TP63: variants seen among roughly 807,000 people sequenced by gnomAD.
TP63 encodes the protein tumor protein 63.
A neutral mutation model predicts 82.8 loss-of-function variants in TP63; 17 were observed. The observed-to-expected ratio is 0.21, with a 90% confidence interval of 0.14 to 0.31. The LOEUF is 0.31. Ranked by LOEUF, TP63 falls within the 10% of genes least tolerant of loss-of-function variation. TP63 has a pLI of 1.00. For missense variants in TP63, 648 were observed against 895.3 expected (o/e 0.72, Z 3.52); for synonymous variants, 330 against 321.7 (o/e 1.03, Z -0.28).
chr3:189,802,734 A>C (rs1726449884), intron 3 of TP63, among the ~76,000 whole-genome samples: 1 of 152,188 alleles, frequency 6.6e-6, no homozygotes, highest in South Asian at 2.1e-4. Context: ...AAGCGTGTTC[A>C]ATCCCCTAGC....
At chr3:189,684,241 G>A (rs1444568990) in intron 1 of TP63, among the ~76,000 whole-genome samples, 2 of 152,190 alleles carry the variant, frequency 1.3e-5, no homozygotes, top group African/African-American at 4.8e-5. Flanking sequence ...CCAGAAATAT[G>A]AAGCTGAATA....
intron 10 of TP63, among the ~76,000 whole-genome samples, chr3:189,885,845 A>G (rs1436611100): frequency 6.6e-6 from 1 of 152,200 alleles, no homozygotes; most frequent in Non-Finnish European, 1.5e-5. Flanking sequence ...TTGAAAATGC[A>G]TGTTTCCAAG....
chr3:189,749,126 A>G (rs1185088848), intron 3 of TP63, among the ~76,000 whole-genome samples: 1 of 152,128 alleles, frequency 6.6e-6, no homozygotes, highest in Non-Finnish European at 1.5e-5. Flanking sequence ...AGAGATTTTT[A>G]TGGCTAAGCC....
At chr3:189,780,942 T>G (rs2108575714) in intron 3 of TP63, among the ~76,000 whole-genome samples, 1 of 152,314 alleles carries the variant, frequency 6.6e-6, no homozygotes, top group African/African-American at 2.4e-5. Flanking sequence ...ATTTTGTGTT[T>G]GTGGTAAGGG....
At chr3:189,621,958 A>G in the TP63 span, among the ~76,000 whole-genome samples, 2 of 152,162 alleles carry the variant, frequency 1.3e-5, no homozygotes, top group Non-Finnish European at 2.9e-5. Flanking sequence ...CTTTAAATTT[A>G]CCTCGTAGAA....
At chr3:189,742,812 ATG>A (rs1325187884) in intron 3 of TP63, among the ~76,000 whole-genome samples, 1 of 152,222 alleles carries the variant, frequency 6.6e-6, no homozygotes, top group African/African-American at 2.4e-5. Context: ...AGTTAGATAT[ATG>A]TGTTTATGTG....
At chr3:189,690,913 T>A (rs967541352) in intron 1 of TP63, among the ~76,000 whole-genome samples, 2 of 152,210 alleles carry the variant, frequency 1.3e-5, no homozygotes, top group African/African-American at 4.8e-5. Flanking sequence ...CTGAACCCAA[T>A]GTGTTACATA....
At chr3:189,878,269 C>A (rs985946485) in intron 10 of TP63, among the ~76,000 whole-genome samples, 3 of 151,862 alleles carry the variant, frequency 2.0e-5, no homozygotes, top group African/African-American at 4.8e-5. Context: ...AAATCCTCCA[C>A]GTTTCCAGAA....
intron 1 of TP63, among the ~76,000 whole-genome samples, chr3:189,658,162 C>T (rs897354984): frequency 6.6e-6 from 1 of 151,866 alleles, no homozygotes; most frequent in Non-Finnish European, 1.5e-5. Flanking sequence ...CTGAAGAGCT[C>T]CCAACCCACA....
chr3:189,885,342 CTA>C (rs911200033), intron 10 of TP63, among the ~76,000 whole-genome samples: 1 of 152,176 alleles, frequency 6.6e-6, no homozygotes, highest in Non-Finnish European at 1.5e-5. Context: ...CTCCACTACT[CTA>C]TGAGTGTCTC....
At chr3:189,597,009 A>G in the TP63 span, among the ~76,000 whole-genome samples, 1 of 152,252 alleles carries the variant, frequency 6.6e-6, no homozygotes, top group Non-Finnish European at 1.5e-5. Context: ...CGAGACCACG[A>G]ACCCACCGTA....
intron 10 of TP63, among the ~76,000 whole-genome samples, chr3:189,874,865 T>C (rs7610966): frequency 0.55 from 83,919 of 151,874 alleles, 23,727 homozygotes; most frequent in Middle Eastern, 0.69. Context: ...TATTAAGAAA[T>C]ACCCTCAAAT....
chr3:189,868,141 A>T (rs1042714391), intron 7 of TP63, among the ~76,000 whole-genome samples, 199 bp downstream of exon 7: 2 of 152,230 alleles, frequency 1.3e-5, no homozygotes, highest in Non-Finnish European at 2.9e-5. Flanking sequence ...TTAGAAGGAA[A>T]AAAAGAGCTA....
rs530764678 is a variant in TP63 at position 189,734,457 on chromosome 3, G to A, written c.63-3283G>A. ...TTAATTCTCTGATGTAACCTATTCAGTGAAACAACAGTAGTATTGTTTTTA... is the reference window on the plus strand; with the variant it reads ...TTAATTCTCTGATGTAACCTATTCAATGAAACAACAGTAGTATTGTTTTTA... On this transcript the variant is annotated intron_variant, in intron 1 of 13. Transcript: ENST00000264731. Among the ~76,000 whole-genome samples, 4 of 152,196 alleles carry A rather than the reference G, an allele frequency of 2.6e-5. No individual in the cohort carries two copies. The South Asian group carries it at 8.3e-4, about 32-fold the overall frequency.
rs1729151075 is a variant in TP63 at position 189,824,694 on chromosome 3, A to G, written c.579+16168A>G. Among the ~76,000 whole-genome samples the G allele has an allele frequency of 2.0e-5, 3 of 152,122 alleles. No individual in the cohort carries two copies. In the South Asian group the frequency reaches 6.2e-4, roughly 32 times the overall value. ...CATCTGTGCCTAGATCACAAGCCAT[A>G]CTTACTCAGGACGATTTTCCTCTTA... is the stretch of plus-strand genomic sequence containing the variant. On this transcript the variant is annotated intron_variant, in intron 4 of 13. Coordinates refer to ENST00000264731, the MANE Select transcript of TP63 (RefSeq NM_003722.5).
At chr3:189,854,676 A>G (rs1716071149) in intron 4 of TP63, among the ~76,000 whole-genome samples, 1 of 152,266 alleles carries the variant, frequency 6.6e-6, no homozygotes, top group African/African-American at 2.4e-5. Flanking sequence ...TGTCAAAATG[A>G]AATGAAAGCT....
chr3:189,663,521 CTT>C (rs397991949), intron 1 of TP63, among the ~76,000 whole-genome samples: 10,084 of 83,296 alleles, frequency 0.12, 149 homozygotes, highest in East Asian at 0.29. Context: ...TTCATTCATT[CTT>C]TTTTTTTTTT....
chr3:189,674,873 G>GGGTAAAA (rs1715253581), intron 1 of TP63, among the ~76,000 whole-genome samples: 1 of 152,132 alleles, frequency 6.6e-6, no homozygotes, highest in African/African-American at 2.4e-5. Context: ...ACCCTATGTA[G>GGGTAAAA]CACATCAAGT....
chr3:189,792,533 G>T (rs994208562), intron 3 of TP63, among the ~76,000 whole-genome samples: 2 of 151,980 alleles, frequency 1.3e-5, no homozygotes, highest in South Asian at 2.1e-4. Context: ...CCTCATCCGG[G>T]GTTTTAGATG....
Sources: allele counts gnomAD v4.1 joint callset (sites outside exome capture counted in the v4.1 genomes callset), GRCh38; gene constraint gnomAD v4.1.1; transcripts MANE v1.5; gene names NCBI Gene and HGNC (gene_info 2026-07-23, HGNC 2026-07-21).